THSD7B: variants seen among roughly 807,000 people sequenced by gnomAD.
THSD7B encodes the protein thrombospondin type 1 domain containing 7B.
Under a neutral mutation model 213.6 loss-of-function variants are expected in THSD7B, and 138 were observed. That is an observed-to-expected ratio of 0.65 (90% confidence interval 0.56 to 0.74). The LOEUF (loss-of-function observed/expected upper bound fraction) is 0.74. THSD7B is among the 30% of genes least tolerant of loss of function. The pLI is 0.00. For synonymous variants in THSD7B, 742 were observed against 687.0 expected (o/e 1.08, Z -1.25); for missense variants, 1,931 against 1,991.5 (o/e 0.97, Z 0.58).
chr2:136,954,211 T>C (rs1685085537), intron 2 of THSD7B, among the ~76,000 whole-genome samples: 1 of 152,098 alleles, frequency 6.6e-6, no homozygotes, highest in African/African-American at 2.4e-5. Flanking sequence ...TGCTGTGCTG[T>C]GGAATTTAAT....
chr2:137,380,828 A>G (rs904028569), intron 12 of THSD7B, among the ~76,000 whole-genome samples: 4 of 152,246 alleles, frequency 2.6e-5, no homozygotes, highest in Non-Finnish European at 5.9e-5. Context: ...TAACCACACC[A>G]CATGAGGTGC....
At chr2:137,618,248 A>T in intron 18 of THSD7B, 144 bp from the exon 19 acceptor site, 2 of 637,578 alleles carry the variant, frequency 3.1e-6, no homozygotes, top group Non-Finnish European at 5.3e-6. Context: ...AGGGCATTGC[A>T]TGATGATTCC....
chr2:136,939,193 C>T (rs1232542781), intron 2 of THSD7B, among the ~76,000 whole-genome samples: 3 of 152,198 alleles, frequency 2.0e-5, no homozygotes, highest in East Asian at 1.9e-4. Flanking sequence ...CCTTGACTTG[C>T]TTCACTGACT....
chr2:137,242,719 A>G (rs1681940656), intron 10 of THSD7B, 147 bp downstream of exon 10: 1 of 618,522 alleles, frequency 1.6e-6, no homozygotes, highest in Non-Finnish European at 2.9e-6. Flanking sequence ...AAGTTTGTAA[A>G]TGAAGTCTTG....
intron 2 of THSD7B, among the ~76,000 whole-genome samples, chr2:136,983,398 G>C (rs10928583): frequency 0.62 from 71,036 of 115,224 alleles, 18,287 homozygotes; most frequent in Non-Finnish European, 0.68. Context: ...CTCTCTCTCT[G>C]TCTGACTTAG....
intron 15 of THSD7B, among the ~76,000 whole-genome samples, chr2:137,502,317 C>T (rs951635577): frequency 2.0e-5 from 3 of 151,698 alleles, no homozygotes; most frequent in South Asian, 2.1e-4. Context: ...TAAACACACA[C>T]GTATATATGT....
At chr2:137,634,387 T>C (rs1437247274) in intron 20 of THSD7B, among the ~76,000 whole-genome samples, 1 of 152,200 alleles carries the variant, frequency 6.6e-6, no homozygotes, top group East Asian at 1.9e-4. Flanking sequence ...ACTATTGCTT[T>C]TATATATCTA....
chr2:137,208,570 T>C (rs989145398), intron 7 of THSD7B, among the ~76,000 whole-genome samples: 8 of 152,026 alleles, frequency 5.3e-5, no homozygotes, highest in African/African-American at 1.9e-4. Flanking sequence ...ACTGAAACAG[T>C]TGTTATGGAG....
At chr2:137,327,384 TATG>T (rs1228590323) in intron 12 of THSD7B, among the ~76,000 whole-genome samples, 2 of 152,246 alleles carry the variant, frequency 1.3e-5, no homozygotes, top group Non-Finnish European at 1.5e-5. Flanking sequence ...TTGTTTATAA[TATG>T]ATATCAAGGA....
chr2:136,878,622 A>G (rs1369660752), intron 1 of THSD7B, among the ~76,000 whole-genome samples: 1 of 152,026 alleles, frequency 6.6e-6, no homozygotes, highest in Non-Finnish European at 1.5e-5. Flanking sequence ...AACTGGTGTG[A>G]GATGGTATCT....
chr2:137,320,819 A>T lies in THSD7B; in HGVS notation c.2500+44793A>T, dbSNP rs144240723. ...TGAATGTCCTTCTTCTTCTTCGACT[A>T]ATAACATCTGACTTATCCTCAAAGC... On this transcript the variant is annotated intron_variant, in intron 12 of 27. Coordinates refer to ENST00000409968, the MANE Select transcript of THSD7B (RefSeq NM_001316349.2). Among the ~76,000 whole-genome samples the T allele has an allele frequency of 3.3e-3, 510 of 152,308 alleles. 2 individuals carry two copies. The highest frequency in any genetic ancestry group is 0.02 in the Middle Eastern group (6 of 294).
chr2:136,969,295 A>G (rs1685368994), intron 2 of THSD7B, among the ~76,000 whole-genome samples: 2 of 152,168 alleles, frequency 1.3e-5, no homozygotes, highest in Admixed American at 1.3e-4. Flanking sequence ...ACCCTACTCT[A>G]ATAGTACTTC....
At chr2:137,348,398 G>A (rs1258716439) in intron 12 of THSD7B, among the ~76,000 whole-genome samples, 1 of 151,722 alleles carries the variant, frequency 6.6e-6, no homozygotes, top group Non-Finnish European at 1.5e-5. Flanking sequence ...TCTGAGGGCT[G>A]TTAATCATAT....
intron 3 of THSD7B, among the ~76,000 whole-genome samples, chr2:137,090,244 T>G (rs1687926357): frequency 6.6e-6 from 1 of 152,156 alleles, no homozygotes; most frequent in Non-Finnish European, 1.5e-5. Flanking sequence ...GGATAGTAGC[T>G]ATGTCTGAGG....
At chr2:137,229,471 C>G (rs1681589772) in intron 7 of THSD7B, among the ~76,000 whole-genome samples, 1 of 152,108 alleles carries the variant, frequency 6.6e-6, no homozygotes, top group Non-Finnish European at 1.5e-5. Flanking sequence ...ACGTCTATTA[C>G]TTCTCATAAT....
chr2:137,462,128 T>C (rs1687897388), intron 15 of THSD7B, among the ~76,000 whole-genome samples: 1 of 152,090 alleles, frequency 6.6e-6, no homozygotes. Flanking sequence ...GCATCCTGCA[T>C]AGGGTGATGA....
intron 1 of THSD7B, among the ~76,000 whole-genome samples, chr2:136,829,562 ATC>A (rs1400661891): frequency 6.6e-6 from 1 of 152,108 alleles, no homozygotes; most frequent in African/African-American, 2.4e-5. Context: ...TTAGAAGAAA[ATC>A]TGTGGTCATA....
Position 137,497,632 on chromosome 2 carries a change from G to A in THSD7B, c.3138+46609G>A, listed in dbSNP as rs191756977. On this transcript the variant is annotated intron_variant, in intron 15 of 27. Coordinates refer to ENST00000409968, the MANE Select transcript of THSD7B (RefSeq NM_001316349.2). ...GTGTGTGTGTGTTATGTGTGTGTGT[G>A]TGTATTTCCCCAATGAAGAATTTCC... 7.2e-5 allele frequency among the ~76,000 whole-genome samples: 11 copies of A among 152,118 alleles called. No individual in the cohort carries two copies. The East Asian group carries it at 1.2e-3, about 16-fold the overall frequency.
intron 5 of THSD7B, among the ~76,000 whole-genome samples, chr2:137,135,683 G>A (rs1679439458): frequency 6.6e-6 from 1 of 152,052 alleles, no homozygotes; most frequent in Non-Finnish European, 1.5e-5. Flanking sequence ...AACCACCAAT[G>A]GTTGGTCCCT....
Sources: gnomAD v4.1 joint callset for allele counts (sites outside exome capture counted in the v4.1 genomes callset) on GRCh38, gnomAD v4.1.1 for gene constraint, MANE v1.5 for transcripts, NCBI Gene and HGNC (gene_info 2026-07-23, HGNC 2026-07-21) for gene names.